RELB: variants seen among roughly 807,000 people sequenced by gnomAD.
The protein encoded by RELB is RELB proto-oncogene, NF-kB subunit.
In RELB, 14 loss-of-function variants were observed where a neutral mutation model predicts 55.4. The observed-to-expected ratio is 0.25, with a 90% CI of 0.17 to 0.40. The LOEUF (loss-of-function observed/expected upper bound fraction) is 0.40. Among genes scored for constraint, RELB ranks in the 10% least tolerant of loss-of-function variants. The pLI, the probability that RELB is intolerant of heterozygous loss-of-function variation, is 1.00. For missense variants in RELB, 669 were observed against 830.7 expected (o/e 0.81, Z 2.39); for synonymous variants, 409 against 371.3 (o/e 1.10, Z -1.17).
In RELB at chr19:45,001,576, G is replaced by C; in HGVS notation, c.-4G>C. On this transcript the variant is annotated 5_prime_UTR_variant, in exon 1 of 12. Coordinates refer to ENST00000221452, the MANE Select transcript of RELB (RefSeq NM_006509.4). ...CCTCCCGGCCGCCCGGCCGGCCCGC[G>C]TGCATGCTTCGGTCTGGGCCAGCCT... is the stretch of plus-strand genomic sequence containing the variant. 1.4e-6 allele frequency: 2 copies of C among 1,452,528 alleles called. No homozygotes were observed. The highest frequency in any genetic ancestry group is 1.8e-6 in the Non-Finnish European group (2 of 1,106,854). 90.0% of individuals were successfully genotyped at this position (1,452,528 alleles called of 1,614,324 possible).
chr19:45,027,369 A>G (rs1971571488), intron 7 of RELB, among the ~76,000 whole-genome samples: 1 of 152,116 alleles, frequency 6.6e-6, no homozygotes, highest in African/African-American at 2.4e-5. Context: ...CCAGGGCCTC[A>G]GTGATGTCAT....
At chr19:45,005,013 CA>C (rs941895066) in intron 2 of RELB, among the ~76,000 whole-genome samples, 3 of 150,110 alleles carry the variant, frequency 2.0e-5, no homozygotes, top group African/African-American at 4.9e-5. Flanking sequence ...ACTAAAAATA[CA>C]AAAAAAATTA....
intron 3 of RELB, 143 bp from the exon 4 acceptor site, chr19:45,011,793 T>G: frequency 4.4e-6 from 1 of 227,808 alleles, no homozygotes; most frequent in Non-Finnish European, 7.4e-6. Context: ...TGTGTGTGTG[T>G]GTGTGAGAGA....
chr19:45,008,862 G>C (rs1489459423), intron 2 of RELB: 1 of 225,944 alleles, frequency 4.4e-6, no homozygotes, highest in Non-Finnish European at 9.4e-6. Context: ...TCTATGGAAT[G>C]ACGGGAGGTC....
At chr19:45,020,094 A>G (rs1043968330) in intron 4 of RELB, among the ~76,000 whole-genome samples, 2 of 151,524 alleles carry the variant, frequency 1.3e-5, no homozygotes, top group Admixed American at 6.6e-5. Context: ...GATATAATTG[A>G]TCATATATAG....
intron 4 of RELB, among the ~76,000 whole-genome samples, chr19:45,017,450 A>AAAAAAAAAAAAAAACAAAAAAAAAC (rs1454338340): frequency 0.044 from 1,277 of 28,840 alleles, 60 homozygotes; most frequent in African/African-American, 0.13. Flanking sequence ...GAATCTGTCT[A>AAAAAAAAAAAAAAACAAAAAAAAAC]AAAAAAAAAA....
intron 4 of RELB, among the ~76,000 whole-genome samples, chr19:45,014,168 CTT>C (rs113601074): frequency 0.01 from 1,309 of 126,676 alleles, 14 homozygotes; most frequent in African/African-American, 0.037. Flanking sequence ...ATTTCTAAGG[CTT>C]TTTTTTTTTT....
intron 11 of RELB, among the ~76,000 whole-genome samples, chr19:45,035,176 CA>C (rs1971672576): frequency 1.3e-5 from 2 of 151,908 alleles, no homozygotes; most frequent in African/African-American, 4.8e-5. Flanking sequence ...CAGCAAAACC[CA>C]AAATAACAGG....
In RELB at chr19:45,031,457, T is replaced by C. The variant is rs116007346; in HGVS notation, c.992-1077T>C. 1.3e-3 allele frequency among the ~76,000 whole-genome samples: 205 copies of C among 152,302 alleles called. 1 individual carries two copies. Among genetic ancestry groups the C allele is most frequent in the African/African-American group, 4.7e-3 (196 of 41,578 alleles). ...TTTTTTCTCTGCTGACTGTGCCTGGTATCCTTTTGCCATAACAGATCATAG... is the reference window on the plus strand; with the variant it reads ...TTTTTTCTCTGCTGACTGTGCCTGGCATCCTTTTGCCATAACAGATCATAG... On this transcript the variant is annotated intron_variant, in intron 8 of 11. Coordinates refer to ENST00000221452, the MANE Select transcript of RELB (RefSeq NM_006509.4).
At chr19:45,010,596 C>T (rs79149284) in intron 3 of RELB, among the ~76,000 whole-genome samples, 3,296 of 152,162 alleles carry the variant, frequency 0.022, 45 homozygotes, top group Non-Finnish European at 0.035. Context: ...GAGCTGAGAC[C>T]AGGAGGAGAA....
At chr19:45,018,670 A>AT (rs201289873) in intron 4 of RELB, among the ~76,000 whole-genome samples, 4,424 of 148,232 alleles carry the variant, frequency 0.03, 201 homozygotes, top group African/African-American at 0.1. Flanking sequence ...CCTGTTATTT[A>AT]TTTATTTTTT....
chr19:45,037,643 T>C lies in RELB; in HGVS notation c.1593T>C (p.Pro531=), dbSNP rs761067055. The change falls in exon 12 of 12, where the codon CCT becomes CCC. Residue 531 remains proline (P), a synonymous_variant. Transcript: ENST00000221452. ...AGAVVGETPG[P]EPLTLDSYQA... is the part of the protein sequence containing the mutation. ...CCGTGGTTGGGGAGACCCCCGGCCC[T>C]GAACCACTGACACTGGACTCGTACC... 1.3e-6 allele frequency: 2 copies of C among 1,598,958 alleles called. No homozygotes were observed. Among genetic ancestry groups the C allele is most frequent in the African/African-American group, 1.4e-5 (1 of 74,054 alleles).
intron 4 of RELB, among the ~76,000 whole-genome samples, chr19:45,013,451 C>T (rs1971386231): frequency 6.9e-6 from 1 of 145,002 alleles, no homozygotes; most frequent in Non-Finnish European, 1.5e-5. Context: ...TCTTTGGTGT[C>T]TGTTAATCTG....
chr19:45,009,347 C>T (rs1307167302), intron 2 of RELB, among the ~76,000 whole-genome samples: 1 of 152,174 alleles, frequency 6.6e-6, no homozygotes, highest in Non-Finnish European at 1.5e-5. Flanking sequence ...TCCCAAAGTG[C>T]TGGGATTACA....
chr19:45,022,564 T>G lies in RELB; in HGVS notation c.662+354T>G, dbSNP rs932852119. Among the ~76,000 whole-genome samples the G allele has an allele frequency of 3.5e-4, 36 of 103,334 alleles. No homozygotes were observed. The South Asian group carries it at 5.3e-3, about 15-fold the overall frequency. 67.8% of individuals were successfully genotyped at this position (103,334 alleles called of 152,430 possible). On this transcript the variant is annotated intron_variant, in intron 5 of 11. Coordinates refer to ENST00000221452, the MANE Select transcript of RELB (RefSeq NM_006509.4). ...CAATTCATCTTTTTTTTTTTTTTTTTGGGACGGAGTTTTGCTCTTGTTGCC... is the reference window on the plus strand; with the variant it reads ...CAATTCATCTTTTTTTTTTTTTTTTGGGGACGGAGTTTTGCTCTTGTTGCC...
chr19:45,020,249 A>G (rs1167470964), intron 4 of RELB, among the ~76,000 whole-genome samples: 8 of 149,134 alleles, frequency 5.4e-5, no homozygotes, highest in African/African-American at 2.0e-4. Context: ...CTTTTTTGAG[A>G]CAGGGACTTT....
chr19:45,008,631 G>A (rs1300277603), intron 2 of RELB: 2 of 432,746 alleles, frequency 4.6e-6, no homozygotes, highest in Non-Finnish European at 9.4e-6. Flanking sequence ...GAGATAAGGG[G>A]TGCAGGAAAA....
intron 3 of RELB, 60 bp from the exon 4 acceptor site, chr19:45,011,872 CTTTT>C (rs368731996): frequency 1.5e-4 from 119 of 794,970 alleles, no homozygotes; most frequent in South Asian, 8.3e-4. Flanking sequence ...GTAATCAAGC[CTTTT>C]TTTTTTTTTT....
intron 6 of RELB, 39 bp downstream of exon 6, chr19:45,025,459 C>G (rs754906444): frequency 6.3e-7 from 1 of 1,584,802 alleles, no homozygotes; most frequent in African/African-American, 1.3e-5. Flanking sequence ...CCCGTCCTCC[C>G]AAACCCCTTG....
Sources: gnomAD v4.1 joint callset for allele counts (sites outside exome capture counted in the v4.1 genomes callset) on GRCh38, gnomAD v4.1.1 for gene constraint, MANE v1.5 for transcripts, NCBI Gene and HGNC (gene_info 2026-07-23, HGNC 2026-07-21) for gene names.